The following SLC4A8 variants were observed in gnomAD, a reference collection of about 807,000 sequenced individuals.
The protein encoded by SLC4A8 is solute carrier family 4 member 8.
In SLC4A8, 40 loss-of-function variants were observed where a neutral mutation model predicts 125.0. The ratio of observed to expected loss-of-function variants is 0.32; its 90% CI spans 0.25 to 0.42. The LOEUF is 0.42. Among genes scored for constraint, SLC4A8 ranks in the 10% least tolerant of loss-of-function variants. The probability of loss-of-function intolerance (pLI) is 1.00; values close to 1 mark genes in which losing one functional copy is unlikely to be tolerated. For missense variants in SLC4A8, 863 were observed against 1,355.1 expected (o/e 0.64, Z 5.70); for synonymous variants, 456 against 476.0 (o/e 0.96, Z 0.55).
rs552070948 is a variant in SLC4A8, at chr12:51,463,197, G to A, written c.1249-417G>A. 1.1e-4 allele frequency among the ~76,000 whole-genome samples: 17 copies of A among 152,180 alleles called. No homozygotes were observed. The South Asian group carries it at 3.5e-3, about 32-fold the overall frequency. ...ATATATGCAAATTCAGCCTTCCCAG[G>A]AACATCCCTCAAAAGATATTGTTAT... On this transcript the variant is annotated intron_variant, in intron 10 of 24. Transcript: ENST00000453097.
Position 51,453,624 on chromosome 12 carries a change from T to C in SLC4A8, c.499T>C (p.Phe167Leu). 1 of 1,614,184 alleles carries C rather than the reference T, an allele frequency of 6.2e-7. No individual in the cohort carries two copies. Among genetic ancestry groups the C allele is most frequent in the East Asian group, 2.2e-5 (1 of 44,886 alleles). Residue 167 changes from phenylalanine (F) to leucine (L), a missense_variant, in exon 5 of 25, where the codon TTT (phenylalanine) becomes CTT (leucine). Around this residue, in one of 6 missense-constraint regions of SLC4A8, gnomAD observed 390 missense variants for 634.4 expected, o/e 0.61. Coordinates refer to ENST00000453097, the MANE Select transcript of SLC4A8 (RefSeq NM_001039960.3). ...GGCAACCCTTTCATTGCACAGCCTG[T>C]TTGAGCTAAGGAGCTGCCTTATTAA... ...YVATLSLHSLFELRSCLINGT... is the reference protein window; with the variant it reads ...YVATLSLHSLLELRSCLINGT...
Position 51,483,212 on chromosome 12 carries a change from A to C in SLC4A8, c.2173-2575A>C, listed in dbSNP as rs888418118. Among the ~76,000 whole-genome samples the C allele has an allele frequency of 5.3e-5, 8 of 152,170 alleles. No homozygotes were observed. In the South Asian group the frequency reaches 1.2e-3, roughly 24 times the overall value. The stretch of plus-strand genomic sequence containing the variant: ...GTTTTGATGCTGCCTCCTGAAAGAG[A>C]TTGTATTTGTTTCGTTTTGCACTAG... On this transcript the variant is annotated intron_variant, in intron 16 of 24. Coordinates refer to ENST00000453097, the MANE Select transcript of SLC4A8 (RefSeq NM_001039960.3).
chr12:51,478,467 A>T (rs1025921782), intron 16 of SLC4A8, among the ~76,000 whole-genome samples: 8 of 152,032 alleles, frequency 5.3e-5, no homozygotes, highest in Non-Finnish European at 4.4e-5. Flanking sequence ...ACGCAAAGAA[A>T]CTTTATATGA....
chr12:51,408,374 C>T (rs1003255393), intron 1 of SLC4A8, among the ~76,000 whole-genome samples: 2 of 152,084 alleles, frequency 1.3e-5, no homozygotes, highest in Non-Finnish European at 1.5e-5. Context: ...GGATTACAGG[C>T]GCGTGCCACC....
chr12:51,469,419 A>G (rs1310589011), intron 11 of SLC4A8, among the ~76,000 whole-genome samples, 195 bp from the exon 12 acceptor site: 1 of 152,098 alleles, frequency 6.6e-6, no homozygotes, highest in Non-Finnish European at 1.5e-5. Flanking sequence ...TATTCATTCA[A>G]ATTTACCTAA....
At chr12:51,443,047 A>G (rs1170992759) in intron 2 of SLC4A8, among the ~76,000 whole-genome samples, 4 of 152,208 alleles carry the variant, frequency 2.6e-5, no homozygotes, top group Non-Finnish European at 5.9e-5. Flanking sequence ...GACATAAACT[A>G]TAAATCATTG....
At chr12:51,443,094 C>A (rs1049689641) in intron 2 of SLC4A8, among the ~76,000 whole-genome samples, 3 of 152,072 alleles carry the variant, frequency 2.0e-5, no homozygotes, top group African/African-American at 7.3e-5. Flanking sequence ...TAAACAACAA[C>A]CTCTAGTCCA....
At chr12:51,476,268 G>A (rs1422357885) in intron 16 of SLC4A8, among the ~76,000 whole-genome samples, 1 of 152,168 alleles carries the variant, frequency 6.6e-6, no homozygotes, top group African/African-American at 2.4e-5. Flanking sequence ...GATCATCTGA[G>A]GTCAGGAGTT....
At chr12:51,424,654 A>C (rs1393119870), upstream of SLC4A8, 4 of 356,998 alleles carry the variant, frequency 1.1e-5, no homozygotes, top group African/African-American at 2.1e-5. Flanking sequence ...CTTCACGCCC[A>C]GAGGCCCCTG....
intron 18 of SLC4A8, among the ~76,000 whole-genome samples, chr12:51,489,449 G>GACTCAGA (rs1565816779): frequency 6.6e-6 from 1 of 152,202 alleles, no homozygotes; most frequent in Non-Finnish European, 1.5e-5. Context: ...GAATGTGTAA[G>GACTCAGA]ACTCAGAGTC....
intron 1 of SLC4A8, among the ~76,000 whole-genome samples, chr12:51,398,086 T>C (rs1233983266): frequency 6.6e-6 from 1 of 152,130 alleles, no homozygotes; most frequent in Non-Finnish European, 1.5e-5. Flanking sequence ...AGTATCCTTA[T>C]TTTTACAAGT....
chr12:51,461,411 A>AAGT (rs1428690643), intron 9 of SLC4A8, 120 bp downstream of exon 9: 2 of 667,284 alleles, frequency 3.0e-6, no homozygotes, highest in Non-Finnish European at 5.4e-6. Context: ...ATCTGCTGGG[A>AAGT]AGTAGTTCAG....
chr12:51,434,061 G>A (rs1306347493), intron 1 of SLC4A8, among the ~76,000 whole-genome samples: 1 of 151,848 alleles, frequency 6.6e-6, no homozygotes, highest in Non-Finnish European at 1.5e-5. Flanking sequence ...TTGTTGTAGG[G>A]ACGAGGTTTC....
chr12:51,430,155 A>G (rs368784449), intron 1 of SLC4A8, among the ~76,000 whole-genome samples: 10 of 152,260 alleles, frequency 6.6e-5, no homozygotes, highest in African/African-American at 2.4e-4. Context: ...AAATCTTCAC[A>G]ATAATAAACC....
chr12:51,402,634 A>G (rs2137938835), intron 1 of SLC4A8, among the ~76,000 whole-genome samples: 1 of 152,284 alleles, frequency 6.6e-6, no homozygotes, highest in East Asian at 1.9e-4. Context: ...AGGCAGGAGA[A>G]TCTTTTGAAC....
intron 1 of SLC4A8, among the ~76,000 whole-genome samples, chr12:51,432,610 C>G (rs2138074476): frequency 6.6e-6 from 1 of 152,014 alleles, no homozygotes; most frequent in East Asian, 1.9e-4. Flanking sequence ...GTAGTCCCAG[C>G]TACTCGGCAG....
At chr12:51,483,981 A>G (rs1036995407) in intron 16 of SLC4A8, among the ~76,000 whole-genome samples, 3 of 152,128 alleles carry the variant, frequency 2.0e-5, no homozygotes, top group South Asian at 2.1e-4. Flanking sequence ...GAGTGAGAAC[A>G]TGCGGTGTTT....
At chr12:51,497,151 C>T (rs1317344457) in intron 22 of SLC4A8, 27 bp downstream of exon 22, 1 of 1,586,672 alleles carries the variant, frequency 6.3e-7, no homozygotes, top group Non-Finnish European at 8.5e-7. Flanking sequence ...CAACTGTATA[C>T]CTGGGGGCCT....
In SLC4A8 at chr12:51,514,666, C is replaced by G. The variant is rs750184452; in HGVS notation, c.*7228C>G. 1.3e-5 allele frequency: 2 copies of G among 152,162 alleles called. No homozygotes were observed. Among genetic ancestry groups the G allele is most frequent in the Admixed American group, 6.5e-5 (1 of 15,274 alleles). The allele number at this position is 152,162 out of a possible 1,614,324, so 9.4% of individuals were successfully genotyped here. On this transcript the variant is annotated 3_prime_UTR_variant, in exon 25 of 25. Coordinates refer to ENST00000453097, the MANE Select transcript of SLC4A8 (RefSeq NM_001039960.3). Reference sequence around the variant, plus strand: ...TAAGCAGAAAAGCACATCTCAAAGCCAAATAGAAATGATTTTCTACTAAGC... The same window carrying G: ...TAAGCAGAAAAGCACATCTCAAAGCGAAATAGAAATGATTTTCTACTAAGC...
Sources: gnomAD v4.1 joint callset for allele counts (sites outside exome capture counted in the v4.1 genomes callset) on GRCh38, gnomAD v4.1.1 for gene constraint, gnomAD v4.1.1 regional missense constraint, MANE v1.5 for transcripts, NCBI Gene and HGNC (gene_info 2026-07-23, HGNC 2026-07-21) for gene names.